Variants in LRP1B observed in about 807,000 individuals in gnomAD.
The protein encoded by LRP1B is LDL receptor related protein 1B, also known as low-density lipoprotein receptor-related protein 1B.
A neutral mutation model predicts 556.6 loss-of-function variants in LRP1B; 217 were observed. The observed-to-expected ratio is 0.39, with a 90% CI of 0.35 to 0.44. LRP1B has a LOEUF of 0.44. Among genes scored for constraint, LRP1B ranks in the 20% least tolerant of loss-of-function variants. The pLI is 1.00. For missense variants in LRP1B, 5,053 were observed against 5,620.8 expected (o/e 0.90, Z 3.23); for synonymous variants, 2,047 against 1,865.8 (o/e 1.10, Z -2.50).
At chr2:140,375,364 T>G (rs1683181658) in intron 68 of LRP1B, among the ~76,000 whole-genome samples, 1 of 152,116 alleles carries the variant, frequency 6.6e-6, no homozygotes, top group Admixed American at 6.5e-5. Flanking sequence ...TTCTCACACT[T>G]AAAATTAGGC....
At chr2:140,241,403 C>T (rs1680941792) in intron 87 of LRP1B, among the ~76,000 whole-genome samples, 1 of 150,764 alleles carries the variant, frequency 6.6e-6, no homozygotes, top group Admixed American at 6.6e-5. Context: ...GTGTAAAATA[C>T]CTATCAATAT....
chr2:141,296,699 C>G (rs1043804119), intron 3 of LRP1B, among the ~76,000 whole-genome samples: 1 of 152,146 alleles, frequency 6.6e-6, no homozygotes, highest in Admixed American at 6.5e-5. Context: ...GTGCTGTTGA[C>G]ACCCTTTTAG....
chr2:140,483,431 A>G (rs1688320625), intron 59 of LRP1B, among the ~76,000 whole-genome samples: 1 of 151,668 alleles, frequency 6.6e-6, no homozygotes, highest in South Asian at 2.1e-4. Context: ...TAAATAGAAA[A>G]GACCACAGAC....
At chr2:140,660,316 A>G (rs955012611) in intron 41 of LRP1B, among the ~76,000 whole-genome samples, 1 of 151,920 alleles carries the variant, frequency 6.6e-6, no homozygotes, top group Non-Finnish European at 1.5e-5. Context: ...GTATTTTTAT[A>G]TGTCAATTTT....
At chr2:140,581,950 C>T (rs1681780197) in intron 43 of LRP1B, among the ~76,000 whole-genome samples, 1 of 152,058 alleles carries the variant, frequency 6.6e-6, no homozygotes, top group South Asian at 2.1e-4. Flanking sequence ...TTCCGTGTAT[C>T]CCCTAATATC....
intron 2 of LRP1B, among the ~76,000 whole-genome samples, chr2:141,762,951 A>C (rs1235540063): frequency 6.6e-6 from 1 of 152,234 alleles, no homozygotes; most frequent in Non-Finnish European, 1.5e-5. Flanking sequence ...CATTAGCCCC[A>C]AATTGCTATG....
chr2:140,963,441 A>ATT (rs201917274), intron 18 of LRP1B, among the ~76,000 whole-genome samples: 21 of 144,104 alleles, frequency 1.5e-4, no homozygotes, highest in African/African-American at 3.4e-4. Context: ...GTACATGCAT[A>ATT]TTTATATATA....
At chr2:141,642,397 C>G (rs1189111294) in intron 2 of LRP1B, among the ~76,000 whole-genome samples, 1 of 152,056 alleles carries the variant, frequency 6.6e-6, no homozygotes, top group East Asian at 1.9e-4. Context: ...AGAAACTACA[C>G]AAATTTCCTA....
chr2:140,721,471 T>C (rs1687396659), intron 35 of LRP1B, among the ~76,000 whole-genome samples: 1 of 151,974 alleles, frequency 6.6e-6, no homozygotes, highest in South Asian at 2.1e-4. Context: ...ACAAATTTGA[T>C]ATGTAGGTTT....
intron 15 of LRP1B, among the ~76,000 whole-genome samples, chr2:141,004,851 C>T (rs903208719): frequency 6.6e-6 from 1 of 151,972 alleles, no homozygotes; most frequent in African/African-American, 2.4e-5. Flanking sequence ...AATAAAATTG[C>T]CTTTAATCCA....
At chr2:140,663,068 A>C (rs1251235827) in intron 41 of LRP1B, among the ~76,000 whole-genome samples, 1 of 152,146 alleles carries the variant, frequency 6.6e-6, no homozygotes, top group Admixed American at 6.5e-5. Flanking sequence ...ACATGATTGA[A>C]CAGCACACAA....
At chr2:141,592,524 G>C (rs1281061802) in intron 2 of LRP1B, among the ~76,000 whole-genome samples, 1 of 152,116 alleles carries the variant, frequency 6.6e-6, no homozygotes, top group Non-Finnish European at 1.5e-5. Flanking sequence ...TTGGTGATTA[G>C]GTTTCAATAT....
intron 41 of LRP1B, among the ~76,000 whole-genome samples, chr2:140,673,937 CTTTTTTCTTTTTTTT>C (rs1003502877): frequency 5.4e-5 from 8 of 147,024 alleles, no homozygotes; most frequent in Non-Finnish European, 8.9e-5. Context: ...TATCTCTTTT[CTTTTTTCTTTTTTTT>C]TTTTTTCTTT....
rs1188306556 is a variant in LRP1B, at chr2:141,643,765, T to C, written c.206-163232A>G. The stretch of plus-strand genomic sequence containing the variant: ...TTGATGTAGTGGAATGAGTTTTGGA[T>C]AGAGGACGATGCTGTGACCCCCTGT... On this transcript the variant is annotated intron_variant, in intron 2 of 90. Coordinates refer to ENST00000389484, the MANE Select transcript of LRP1B (RefSeq NM_018557.3). Among the ~76,000 whole-genome samples the C allele has an allele frequency of 2.0e-5, 3 of 152,206 alleles. No homozygotes were observed. In the South Asian group the frequency reaches 6.2e-4, roughly 32 times the overall value.
At chr2:140,939,598 T>A (rs1422436053) in intron 20 of LRP1B, among the ~76,000 whole-genome samples, 1 of 150,382 alleles carries the variant, frequency 6.6e-6, no homozygotes, top group Non-Finnish European at 1.5e-5. Context: ...ATTTACTATG[T>A]AAATAAGATA....
intron 1 of LRP1B, among the ~76,000 whole-genome samples, chr2:141,813,763 C>A (rs763286243): frequency 5.3e-5 from 8 of 152,050 alleles, no homozygotes; most frequent in South Asian, 2.1e-4. Flanking sequence ...TTTGCTTCTG[C>A]CATTCAGAGA....
intron 11 of LRP1B, among the ~76,000 whole-genome samples, chr2:141,020,609 A>G (rs1371857288): frequency 1.3e-5 from 2 of 152,030 alleles, no homozygotes. Context: ...ACAAGTATGA[A>G]AGCCCAGGAC....
intron 35 of LRP1B, among the ~76,000 whole-genome samples, chr2:140,755,437 C>T (rs1183363222): frequency 2.6e-5 from 4 of 151,914 alleles, no homozygotes; most frequent in Admixed American, 2.0e-4. Flanking sequence ...TGAACTGAAT[C>T]CAGCAAAATA....
intron 21 of LRP1B, among the ~76,000 whole-genome samples, chr2:140,921,596 C>T (rs1694738220): frequency 6.6e-6 from 1 of 151,900 alleles, no homozygotes; most frequent in Non-Finnish European, 1.5e-5. Flanking sequence ...AAGACCATTT[C>T]TAAACTTAAA....
Sources: gnomAD v4.1 joint callset for allele counts (sites outside exome capture counted in the v4.1 genomes callset) on GRCh38, gnomAD v4.1.1 for gene constraint, MANE v1.5 for transcripts, NCBI Gene and HGNC (gene_info 2026-07-23, HGNC 2026-07-21) for gene names.